The following RAB5A variants were observed in gnomAD, a reference collection of about 807,000 sequenced individuals.
RAB5A encodes RAB5A, member RAS oncogene family.
A neutral mutation model predicts 25.7 loss-of-function variants in RAB5A; 8 were observed. That is an observed-to-expected ratio of 0.31 (90% CI 0.18 to 0.56). RAB5A has a LOEUF of 0.56. RAB5A is among the 20% of genes least tolerant of loss of function. RAB5A has a pLI of 0.91. For synonymous variants in RAB5A, 98 were observed against 89.8 expected (o/e 1.09, Z -0.52); for missense variants, 192 against 259.7 (o/e 0.74, Z 1.79).
chr3:19,980,220 G>A (rs1416114338), intron 5 of RAB5A: 1 of 152,172 alleles, frequency 6.6e-6, no homozygotes, highest in African/African-American at 2.4e-5. Flanking sequence ...TCTCAAATCA[G>A]CCTGCACTGT....
intron 2 of RAB5A, among the ~76,000 whole-genome samples, chr3:19,973,835 C>A (rs1034929939): frequency 6.6e-6 from 1 of 152,080 alleles, no homozygotes; most frequent in Non-Finnish European, 1.5e-5. Context: ...TTGTGTCTAA[C>A]GTAAAAGAGA....
intron 2 of RAB5A, among the ~76,000 whole-genome samples, chr3:19,958,662 G>A (rs1000486062): frequency 2.0e-5 from 3 of 152,170 alleles, no homozygotes; most frequent in African/African-American, 7.2e-5. Flanking sequence ...TGACCAACAT[G>A]GCAAAACACT....
chr3:19,948,505 A>C (rs770840429), intron 1 of RAB5A, among the ~76,000 whole-genome samples: 12 of 152,264 alleles, frequency 7.9e-5, no homozygotes, highest in Non-Finnish European at 1.5e-4. Context: ...TATAGAATGA[A>C]TAACAGTTAT....
At chr3:19,975,917 C>T in intron 3 of RAB5A, 130 bp from the exon 4 acceptor site, 9 of 1,366,120 alleles carry the variant, frequency 6.6e-6, no homozygotes, top group African/African-American at 1.5e-5. Flanking sequence ...GAAAATGTCT[C>T]ATAATACAAT....
At chr3:19,959,177 T>G (rs1696548483) in intron 2 of RAB5A, among the ~76,000 whole-genome samples, 1 of 152,172 alleles carries the variant, frequency 6.6e-6, no homozygotes, top group African/African-American at 2.4e-5. Flanking sequence ...CTTAGTGAAC[T>G]GCTACTGATT....
chr3:19,956,602 A>C (rs1285308835), intron 2 of RAB5A, among the ~76,000 whole-genome samples: 1 of 152,254 alleles, frequency 6.6e-6, no homozygotes, highest in African/African-American at 2.4e-5. Context: ...GTTACTGTTA[A>C]AATGAAGAAA....
At chr3:19,962,439 G>A (rs1379418922) in intron 2 of RAB5A, among the ~76,000 whole-genome samples, 4 of 122,200 alleles carry the variant, frequency 3.3e-5, no homozygotes, top group South Asian at 2.7e-4. Flanking sequence ...ATGGTGGCGC[G>A]TGCCTGTAGT....
At position 19,966,871 on chromosome 3, in the gene RAB5A, C is replaced by T. The variant is rs111532731; in HGVS notation, c.164-8730C>T. ...CCAGACTGGAGTGCAGTAGCATGAT[C>T]ACAGCACACTGCAGCCTGACCTCCT... On this transcript the variant is annotated intron_variant, in intron 2 of 5. Coordinates refer to ENST00000273047, the MANE Select transcript of RAB5A (RefSeq NM_004162.5). Among the ~76,000 whole-genome samples, 878 of 152,184 alleles carry T rather than the reference C, an allele frequency of 5.8e-3. 6 individuals carry two copies. The highest frequency in any genetic ancestry group is 0.02 in the African/African-American group (836 of 41,484).
chr3:19,974,762 TTGGTGGTAACTGAC>T (rs1696799134), intron 2 of RAB5A, among the ~76,000 whole-genome samples: 1 of 147,810 alleles, frequency 6.8e-6, no homozygotes, highest in South Asian at 2.1e-4. Flanking sequence ...AAATACTAAT[TTGGTGGTAACTGAC>T]TGGGACTAAA....
chr3:19,963,374 C>A lies in RAB5A; in HGVS notation c.164-12227C>A, dbSNP rs182456529. On this transcript the variant is annotated intron_variant, in intron 2 of 5. Coordinates refer to ENST00000273047, the MANE Select transcript of RAB5A (RefSeq NM_004162.5). ...ATATCTTAGAATTTCACCCCCCCCC[C>A]CCCCGACTTATTTTCGTAAGATCAA... Among the ~76,000 whole-genome samples, 243 of 123,946 alleles carry A rather than the reference C, an allele frequency of 2.0e-3. 13 individuals are homozygous for A. Among genetic ancestry groups the A allele is most frequent in the Non-Finnish European group, 2.9e-3 (175 of 60,636 alleles). 81.3% of individuals were successfully genotyped at this position (123,946 alleles called of 152,430 possible).
At chr3:19,976,200 C>T (rs1009425212) in intron 4 of RAB5A, 31 bp downstream of exon 4, 4 of 1,585,178 alleles carry the variant, frequency 2.5e-6, no homozygotes, top group Middle Eastern at 1.7e-4. Flanking sequence ...ATTTGAAAGG[C>T]ACTTTTTTCC....
At chr3:19,954,397 T>C (rs1235126538) in intron 2 of RAB5A, among the ~76,000 whole-genome samples, 2 of 152,228 alleles carry the variant, frequency 1.3e-5, no homozygotes, top group East Asian at 1.9e-4. Context: ...TTAATCTCTA[T>C]TTGATTGTGT....
chr3:19,953,470 T>G (rs1209558225), intron 2 of RAB5A, among the ~76,000 whole-genome samples: 5 of 151,132 alleles, frequency 3.3e-5, no homozygotes, highest in Non-Finnish European at 7.4e-5. Flanking sequence ...TGCAGTGGTG[T>G]AGCCCTGGCT....
At chr3:19,949,899 A>G (rs917307712) in intron 1 of RAB5A, among the ~76,000 whole-genome samples, 8 of 151,896 alleles carry the variant, frequency 5.3e-5, no homozygotes, top group African/African-American at 1.9e-4. Flanking sequence ...TTAGCCTGGC[A>G]TGGTTCTGAG....
chr3:19,953,852 G>T (rs1261071886), intron 2 of RAB5A, among the ~76,000 whole-genome samples: 5 of 152,066 alleles, frequency 3.3e-5, no homozygotes, highest in Non-Finnish European at 7.4e-5. Context: ...TCACCTTTAG[G>T]AACTAGAGTA....
rs1362547698 is a variant in RAB5A, at chr3:19,976,178, A to G, written c.438+9A>G. The G allele has an allele frequency of 1.9e-5, 30 of 1,598,908 alleles. No homozygotes were observed. The highest frequency in any genetic ancestry group is 2.6e-5 in the Non-Finnish European group (30 of 1,175,716). ...GAGCAGTAGATTTCCAGGTATGTTA[A>G]ATTTAACTCTCATTTGAAAGGCACT... On this transcript the variant is annotated intron_variant, in intron 4 of 5. Transcript: ENST00000273047.
Position 19,967,249 on chromosome 3 carries a change from A to G in RAB5A, c.164-8352A>G, listed in dbSNP as rs999127965. ...AACCTCCATCTCCTGGGTACAAGCA[A>G]TTCTTCTGCCTCAGCCTCCAGAGTA... On this transcript the variant is annotated intron_variant, in intron 2 of 5. Transcript: ENST00000273047. 3.9e-5 allele frequency among the ~76,000 whole-genome samples: 6 copies of G among 152,046 alleles called. No homozygotes were observed. In the South Asian group the frequency reaches 1.0e-3, roughly 26 times the overall value.
chr3:19,967,665 G>A (rs1696680316), intron 2 of RAB5A, among the ~76,000 whole-genome samples: 1 of 151,942 alleles, frequency 6.6e-6, no homozygotes, highest in Admixed American at 6.6e-5. Context: ...TTCTTGTTAG[G>A]CTTTTGGAAT....
At chr3:19,968,883 T>C (rs1049549133) in intron 2 of RAB5A, among the ~76,000 whole-genome samples, 1 of 152,220 alleles carries the variant, frequency 6.6e-6, no homozygotes, top group Non-Finnish European at 1.5e-5. Context: ...CCTCACACTA[T>C]CTTTTGGAAT....
Sources: allele counts gnomAD v4.1 joint callset (sites outside exome capture counted in the v4.1 genomes callset), GRCh38; gene constraint gnomAD v4.1.1; transcripts MANE v1.5; gene names NCBI Gene and HGNC (gene_info 2026-07-23, HGNC 2026-07-21).